ATG7: variants seen among roughly 807,000 people sequenced by gnomAD.
The protein encoded by ATG7 is autophagy related 7, also known as ubiquitin-like modifier-activating enzyme ATG7.
Under a neutral mutation model 82.4 loss-of-function variants are expected in ATG7, and 70 were observed. The observed-to-expected ratio is 0.85, with a 90% confidence interval of 0.70 to 1.04. ATG7 has a LOEUF of 1.04. Ranked by LOEUF, ATG7 falls within the 50% of genes least tolerant of loss-of-function variation. ATG7 has a pLI of 0.00. For missense variants in ATG7, 792 were observed against 864.3 expected, an observed-to-expected ratio of 0.92 and a Z score of 1.05; for synonymous variants, 287 against 313.0, an observed-to-expected ratio of 0.92 and a Z score of 0.88.
rs1023542528 is a variant in ATG7 at position 11,315,470 on chromosome 3, T to A, written c.655T>A (p.Phe219Ile). 1.2e-6 allele frequency: 2 copies of A among 1,604,484 alleles called. No individual in the cohort carries two copies. The highest frequency in any genetic ancestry group is 1.7e-6 in the Non-Finnish European group (2 of 1,176,640). The change falls in exon 9 of 21, where the codon TTC becomes ATC. Residue 219 changes from phenylalanine to isoleucine, a missense_variant. Physicochemically the swap from Phe to Ile is conservative, Grantham distance 21. Coordinates refer to ENST00000693202, the MANE Select transcript of ATG7 (RefSeq NM_001349232.2). ...TTCCTTGCTTAAACACTACAGTGAT[T>A]TCTTCCAAGGTCAAAGGACGAAGGT... ...LVSLLKHYSDFFQGQRTKITI... is the reference protein window; with the variant it reads ...LVSLLKHYSDIFQGQRTKITI...
In ATG7 at chr3:11,346,031, T is replaced by C. The variant is rs77716631; in HGVS notation, c.1126-1846T>C. Among the ~76,000 whole-genome samples, 1,243 of 152,350 alleles carry C rather than the reference T, an allele frequency of 8.2e-3. 9 individuals are homozygous for C. Among genetic ancestry groups the C allele is most frequent in the Non-Finnish European group, 0.013 (912 of 68,032 alleles). On this transcript the variant is annotated intron_variant, in intron 13 of 20. Coordinates refer to ENST00000693202, the MANE Select transcript of ATG7 (RefSeq NM_001349232.2). ...TCCTTTGCTCTTACCAATTAACATG[T>C]CATTAAAAATGATGCCTGTCTATGA...
intron 19 of ATG7, among the ~76,000 whole-genome samples, chr3:11,392,906 A>T (rs6792718): frequency 7.9e-5 from 12 of 152,106 alleles, no homozygotes; most frequent in South Asian, 6.2e-4. Context: ...ATTTTGCCAC[A>T]GATAAGAACA....
intron 20 of ATG7, among the ~76,000 whole-genome samples, chr3:11,488,903 T>A (rs1238840213): frequency 6.6e-6 from 1 of 152,236 alleles, no homozygotes; most frequent in Non-Finnish European, 1.5e-5. Context: ...GGTATCAGGA[T>A]GATGCTGGCC....
chr3:11,494,832 G>C (rs960859784), intron 20 of ATG7, among the ~76,000 whole-genome samples: 2 of 152,172 alleles, frequency 1.3e-5, no homozygotes, highest in African/African-American at 4.8e-5. Context: ...CCAGCACTTT[G>C]AGAGGCCAAG....
the ATG7 span, among the ~76,000 whole-genome samples, chr3:11,563,394 G>T: frequency 6.6e-6 from 1 of 152,236 alleles, no homozygotes; most frequent in Non-Finnish European, 1.5e-5. Flanking sequence ...GCCCACCCCG[G>T]GGAGCAGTGA....
At chr3:11,392,355 G>C (rs1024364886) in intron 19 of ATG7, among the ~76,000 whole-genome samples, 1 of 151,996 alleles carries the variant, frequency 6.6e-6, no homozygotes, top group African/African-American at 2.4e-5. Flanking sequence ...GCATTTACTT[G>C]AAGTAGGGTA....
intron 9 of ATG7, among the ~76,000 whole-genome samples, chr3:11,315,901 A>G (rs894002323): frequency 6.6e-6 from 1 of 151,928 alleles, no homozygotes; most frequent in African/African-American, 2.4e-5. Context: ...AATTTTTTGT[A>G]TTTTTAGTAG....
chr3:11,391,459 GGA>G (rs2078795249), intron 19 of ATG7, among the ~76,000 whole-genome samples: 1 of 152,152 alleles, frequency 6.6e-6, no homozygotes. Flanking sequence ...ATAAATCTTG[GGA>G]GAGTTTTCTT....
chr3:11,549,499 C>G (rs1001334115), intron 20 of ATG7, among the ~76,000 whole-genome samples: 9 of 152,158 alleles, frequency 5.9e-5, no homozygotes, highest in Non-Finnish European at 8.8e-5. Context: ...CCCTTCGACC[C>G]CATTCCCCAC....
intron 1 of ATG7, among the ~76,000 whole-genome samples, chr3:11,277,675 A>G (rs1415738305): frequency 3.9e-5 from 6 of 152,220 alleles, no homozygotes; most frequent in Admixed American, 3.9e-4. Flanking sequence ...GAAACTCCTG[A>G]TAAGGGTCTA....
intron 20 of ATG7, among the ~76,000 whole-genome samples, chr3:11,486,940 T>C (rs993784108): frequency 6.6e-6 from 1 of 151,218 alleles, no homozygotes; most frequent in Non-Finnish European, 1.5e-5. Context: ...GATAAACAAG[T>C]GAACAAAGGT....
intron 20 of ATG7, among the ~76,000 whole-genome samples, chr3:11,527,127 T>C (rs1044882561): frequency 3.3e-5 from 5 of 149,898 alleles, no homozygotes; most frequent in Non-Finnish European, 5.9e-5. Flanking sequence ...TTTTTTGAGG[T>C]GGAGTCTCAC....
In ATG7 at chr3:11,385,951, A is replaced by G. The variant is rs147031441; in HGVS notation, c.1956+5899A>G. ...AGTTGGAATCTGGTATACGTTGTCTAATGCTTAAAGCTGCTGTTTTGAATT... is the reference window on the plus strand; with the variant it reads ...AGTTGGAATCTGGTATACGTTGTCTGATGCTTAAAGCTGCTGTTTTGAATT... On this transcript the variant is annotated intron_variant, in intron 19 of 20. Coordinates refer to ENST00000693202, the MANE Select transcript of ATG7 (RefSeq NM_001349232.2). Among the ~76,000 whole-genome samples, 1,038 of 152,338 alleles carry G rather than the reference A, an allele frequency of 6.8e-3. 10 individuals carry two copies. The highest frequency in any genetic ancestry group is 0.024 in the African/African-American group (1,001 of 41,576).
At chr3:11,405,623 T>G (rs1052101079) in intron 19 of ATG7, among the ~76,000 whole-genome samples, 1 of 152,162 alleles carries the variant, frequency 6.6e-6, no homozygotes, top group South Asian at 2.1e-4. Context: ...GCATTTCTTT[T>G]TTTTTATTAT....
At chr3:11,535,592 G>C (rs1330136072) in intron 20 of ATG7, among the ~76,000 whole-genome samples, 1 of 152,136 alleles carries the variant, frequency 6.6e-6, no homozygotes, top group African/African-American at 2.4e-5. Flanking sequence ...AGCCCTACAG[G>C]AGGACTCAGC....
At chr3:11,298,576 C>T (rs1252711698) in intron 3 of ATG7, 110 bp from the exon 4 acceptor site, 2 of 1,059,078 alleles carry the variant, frequency 1.9e-6, no homozygotes, top group East Asian at 4.8e-5. Context: ...AGCCTGTAAA[C>T]ATCTCATTAC....
chr3:11,418,033 G>T (rs879677074), intron 19 of ATG7, among the ~76,000 whole-genome samples: 3 of 150,774 alleles, frequency 2.0e-5, no homozygotes, highest in Non-Finnish European at 4.4e-5. Context: ...GGATGGTCTC[G>T]ATCTCCTAAC....
intron 20 of ATG7, among the ~76,000 whole-genome samples, chr3:11,432,091 G>A (rs560309491): frequency 6.6e-6 from 1 of 152,308 alleles, no homozygotes; most frequent in Non-Finnish European, 1.5e-5. Flanking sequence ...AGGTCAATGT[G>A]TGAGGGTGCA....
At chr3:11,333,229 G>A in intron 11 of ATG7, 136 bp downstream of exon 11, 2 of 1,175,722 alleles carry the variant, frequency 1.7e-6, no homozygotes, top group Non-Finnish European at 2.2e-6. Context: ...TGCCAATGCA[G>A]ACACCTACTT....
Sources: gnomAD v4.1 joint callset for allele counts (sites outside exome capture counted in the v4.1 genomes callset) on GRCh38, gnomAD v4.1.1 for gene constraint, MANE v1.5 for transcripts, NCBI Gene and HGNC (gene_info 2026-07-23, HGNC 2026-07-21) for gene names.